The following SLC4A5 variants were observed in gnomAD, a reference collection of about 807,000 sequenced individuals.
The protein encoded by SLC4A5 is solute carrier family 4 member 5, also known as electrogenic sodium bicarbonate cotransporter 4.
SLC4A5 carries 96 observed loss-of-function variants against 120.4 expected under a neutral mutation model. The observed-to-expected ratio is 0.80, with a 90% CI of 0.68 to 0.94. The LOEUF is 0.94. Among genes scored for constraint, SLC4A5 ranks in the 40% least tolerant of loss-of-function variants. The pLI, the probability that SLC4A5 is intolerant of heterozygous loss-of-function variation, is 0.00. For missense variants in SLC4A5, 1,259 were observed against 1,459.5 expected, an observed-to-expected ratio of 0.86 and a Z score of 2.24; for synonymous variants, 550 against 571.1, an observed-to-expected ratio of 0.96 and a Z score of 0.53.
At chr2:74,340,594 A>G (rs899807984) in intron 2 of SLC4A5, among the ~76,000 whole-genome samples, 4 of 152,186 alleles carry the variant, frequency 2.6e-5, no homozygotes, top group African/African-American at 9.7e-5. Context: ...AATTTCCTAC[A>G]GGGGTGGAAA....
chr2:74,293,073 G>A (rs1419006190), intron 7 of SLC4A5, among the ~76,000 whole-genome samples: 1 of 151,890 alleles, frequency 6.6e-6, no homozygotes. Flanking sequence ...GTGAAGCAGA[G>A]GGGGCAGGGA....
chr2:74,254,795 T>C, intron 13 of SLC4A5, 89 bp from the exon 14 acceptor site: 1 of 991,674 alleles, frequency 1.0e-6, no homozygotes, highest in South Asian at 1.3e-5. Context: ...TGAAGAGAAT[T>C]CTCTGGCCCT....
At chr2:74,273,064 C>G (rs1271901176) in intron 8 of SLC4A5, among the ~76,000 whole-genome samples, 1 of 152,184 alleles carries the variant, frequency 6.6e-6, no homozygotes, top group Non-Finnish European at 1.5e-5. Flanking sequence ...AAAACCCAGG[C>G]TGAATCTCAG....
intron 7 of SLC4A5, chr2:74,290,786 G>A: frequency 8.1e-6 from 8 of 987,062 alleles, no homozygotes; most frequent in Non-Finnish European, 9.6e-6. Flanking sequence ...GGTGGCAGCT[G>A]AGGACCTGTG....
intron 12 of SLC4A5, among the ~76,000 whole-genome samples, chr2:74,256,407 T>C (rs1670966553): frequency 6.6e-6 from 1 of 152,204 alleles, no homozygotes; most frequent in Non-Finnish European, 1.5e-5. Context: ...TATTTTCCCT[T>C]TGCCACCAGC....
intron 7 of SLC4A5, among the ~76,000 whole-genome samples, chr2:74,301,245 T>G (rs537464069): frequency 6.6e-6 from 1 of 152,352 alleles, no homozygotes; most frequent in African/African-American, 2.4e-5. Context: ...GATATTGAAC[T>G]ATCATTCTCA....
At chr2:74,286,312 C>A (rs1157658873) in intron 7 of SLC4A5, among the ~76,000 whole-genome samples, 1 of 152,176 alleles carries the variant, frequency 6.6e-6, no homozygotes, top group African/African-American at 2.4e-5. Flanking sequence ...CTTGAAAAGG[C>A]AGTCAGCCAT....
At chr2:74,273,873 A>T (rs778676743) in intron 8 of SLC4A5, among the ~76,000 whole-genome samples, 19 of 152,290 alleles carry the variant, frequency 1.2e-4, no homozygotes, top group Non-Finnish European at 1.8e-4. Context: ...TCAAAAGGGG[A>T]ACACCTGAGG....
intron 6 of SLC4A5, among the ~76,000 whole-genome samples, chr2:74,309,113 A>G (rs889202810): frequency 1.3e-5 from 2 of 151,152 alleles, no homozygotes; most frequent in Non-Finnish European, 2.9e-5. Flanking sequence ...TAGTCTCAAA[A>G]TCTCTATGTT....
chr2:74,249,008 G>T (rs1670707327), intron 17 of SLC4A5, among the ~76,000 whole-genome samples: 1 of 152,192 alleles, frequency 6.6e-6, no homozygotes, highest in Non-Finnish European at 1.5e-5. Flanking sequence ...CTCAACCTCG[G>T]CACAATGGAC....
At chr2:74,225,819 C>A (rs1558865215) in intron 27 of SLC4A5, among the ~76,000 whole-genome samples, 1 of 152,134 alleles carries the variant, frequency 6.6e-6, no homozygotes, top group Non-Finnish European at 1.5e-5. Context: ...ACAAAAAAAT[C>A]AATAGGTGGA....
At position 74,264,961 on chromosome 2, in the gene SLC4A5, G is replaced by T. The variant is rs557274441; in HGVS notation, c.562+143C>A. ...GAGTGACTATGATCCTGCCCTGGGA[G>T]CAACAGAGTCAAAGCTGGTCTCTGC... On this transcript the variant is annotated intron_variant, in intron 9 of 30. Coordinates refer to ENST00000394019, the Ensembl canonical transcript of SLC4A5. 2.0e-5 allele frequency: 18 copies of T among 893,066 alleles called. 1 individual carries two copies. In the South Asian group the frequency reaches 2.8e-4, roughly 14 times the overall value. 55.3% of individuals were successfully genotyped at this position (893,066 alleles called of 1,614,324 possible).
chr2:74,225,635 C>G (rs1226950303), intron 27 of SLC4A5, among the ~76,000 whole-genome samples: 1 of 152,124 alleles, frequency 6.6e-6, no homozygotes, highest in Non-Finnish European at 1.5e-5. Context: ...GGCTCTCAAA[C>G]TTGAGCATGC....
chr2:74,304,373 G>T, intron 7 of SLC4A5, 116 bp downstream of exon 7: 1 of 1,105,960 alleles, frequency 9.0e-7, no homozygotes, highest in Non-Finnish European at 1.3e-6. Flanking sequence ...GAGAGGTTAG[G>T]CTGAGCCATG....
intron 8 of SLC4A5, among the ~76,000 whole-genome samples, chr2:74,276,283 T>C (rs1290639996): frequency 1.3e-5 from 2 of 152,226 alleles, no homozygotes; most frequent in Non-Finnish European, 1.5e-5. Context: ...ATACCTGTAC[T>C]AGATCATAAG....
intron 6 of SLC4A5, among the ~76,000 whole-genome samples, chr2:74,305,203 T>C (rs1035534972): frequency 3.3e-5 from 5 of 152,212 alleles, no homozygotes; most frequent in Admixed American, 6.5e-5. Context: ...CCAAGAGCCC[T>C]AATTCAGAAT....
At chr2:74,218,879 C>T (rs1312880453) in intron 30 of SLC4A5, 87 bp from the exon 31 acceptor site, 3 of 152,612 alleles carry the variant, frequency 2.0e-5, no homozygotes, top group African/African-American at 7.2e-5. Flanking sequence ...CAAATACTTC[C>T]ATCTTTGCTT....
chr2:74,323,782 T>A (rs748245427), intron 5 of SLC4A5, among the ~76,000 whole-genome samples: 42 of 152,252 alleles, frequency 2.8e-4, no homozygotes, highest in Non-Finnish European at 5.6e-4. Flanking sequence ...ATGGTGATGA[T>A]ATTCTACATT....
intron 7 of SLC4A5, chr2:74,290,520 G>GT (rs1482794603): frequency 1.1e-5 from 11 of 985,096 alleles, no homozygotes; most frequent in Non-Finnish European, 1.3e-5. Context: ...TGTGGTAAGT[G>GT]TAAGTGTGAG....
Sources: gnomAD v4.1 joint callset for allele counts (sites outside exome capture counted in the v4.1 genomes callset) on GRCh38, gnomAD v4.1.1 for gene constraint, MANE v1.5 for transcripts, NCBI Gene and HGNC (gene_info 2026-07-23, HGNC 2026-07-21) for gene names.